Variants in GPHN observed in about 807,000 individuals in gnomAD.
GPHN encodes the protein gephyrin.
GPHN carries 17 observed loss-of-function variants against 95.5 expected under a neutral mutation model. The ratio of observed to expected loss-of-function variants is 0.18; its 90% CI spans 0.12 to 0.27. The LOEUF (loss-of-function observed/expected upper bound fraction) is 0.27. GPHN is among the 10% of genes least tolerant of loss of function. The probability of loss-of-function intolerance (pLI) is 1.00; values close to 1 mark genes in which losing one functional copy is unlikely to be tolerated. For synonymous variants in GPHN, 320 were observed against 322.5 expected, an observed-to-expected ratio of 0.99 and a Z score of 0.08; for missense variants, 660 against 978.1, an observed-to-expected ratio of 0.67 and a Z score of 4.34.
At chr14:67,727,375 G>A in the GPHN span, 1 of 597,366 alleles carries the variant, frequency 1.7e-6, no homozygotes, top group East Asian at 2.8e-5. Context: ...AATCAAATAG[G>A]GGTTAAGAAC....
chr14:66,899,472 G>T (rs1171845529), intron 5 of GPHN, among the ~76,000 whole-genome samples: 1 of 151,764 alleles, frequency 6.6e-6, no homozygotes, highest in African/African-American at 2.4e-5. Context: ...TTTTATCATG[G>T]ATCAGTGTTT....
At chr14:67,339,083 C>CA in the GPHN span, among the ~76,000 whole-genome samples, 2 of 151,086 alleles carry the variant, frequency 1.3e-5, no homozygotes, top group Non-Finnish European at 2.9e-5. Context: ...CTACAACCTC[C>CA]ACCTTTGCGT....
intron 10 of GPHN, among the ~76,000 whole-genome samples, chr14:67,033,928 C>T (rs1002065894): frequency 6.6e-6 from 1 of 152,124 alleles, no homozygotes; most frequent in Non-Finnish European, 1.5e-5. Context: ...ATTCAAAGTG[C>T]TGAAGGAACA....
At chr14:67,241,388 G>T in the GPHN span, 1 of 154,350 alleles carries the variant, frequency 6.5e-6, no homozygotes, top group South Asian at 1.8e-4. Flanking sequence ...GCGGTGGGGC[G>T]GGGGCGGGGA....
chr14:67,380,577 T>G, the GPHN span: 1 of 621,462 alleles, frequency 1.6e-6, no homozygotes, highest in Non-Finnish European at 2.6e-6. Context: ...AACTATTATA[T>G]GCATTGTTCC....
chr14:67,520,570 T>C, the GPHN span, among the ~76,000 whole-genome samples: 30 of 152,370 alleles, frequency 2.0e-4, no homozygotes, highest in African/African-American at 6.5e-4. Flanking sequence ...CCACAGATTA[T>C]TTACCCATCA....
the GPHN span, among the ~76,000 whole-genome samples, chr14:67,490,892 C>A: frequency 4.6e-5 from 7 of 152,040 alleles, no homozygotes; most frequent in Non-Finnish European, 7.4e-5. Context: ...ATGGGGTGGG[C>A]GTGGAGGGGG....
intron 2 of GPHN, among the ~76,000 whole-genome samples, chr14:66,752,449 T>C (rs557780180): frequency 2.4e-4 from 36 of 152,160 alleles, no homozygotes; most frequent in Middle Eastern, 3.4e-3. Flanking sequence ...GGGTTATTAA[T>C]TGGCCTAACG....
At chr14:66,514,314 CGTTATTGA>C (rs111909122) in intron 1 of GPHN, among the ~76,000 whole-genome samples, 2,027 of 152,024 alleles carry the variant, frequency 0.013, 22 homozygotes, top group Middle Eastern at 0.02. Context: ...CATTCTTCTG[CGTTATTGA>C]CACTTCATGG....
the GPHN span, among the ~76,000 whole-genome samples, chr14:67,683,770 T>C: frequency 1.3e-5 from 2 of 152,226 alleles, no homozygotes; most frequent in Admixed American, 1.3e-4. Context: ...CTTCTTAGCC[T>C]GGCTCTTCAG....
chr14:67,631,271 A>C, the GPHN span, among the ~76,000 whole-genome samples: 7 of 152,248 alleles, frequency 4.6e-5, no homozygotes, highest in Admixed American at 3.9e-4. Context: ...ATTGCAATAA[A>C]CCTAGTATTG....
At chr14:66,859,062 T>C (rs2062917905) in intron 4 of GPHN, among the ~76,000 whole-genome samples, 1 of 152,164 alleles carries the variant, frequency 6.6e-6, no homozygotes, top group Non-Finnish European at 1.5e-5. Flanking sequence ...TCTCTGGACC[T>C]ACCCTGGGCT....
intron 17 of GPHN, among the ~76,000 whole-genome samples, chr14:67,125,634 A>G (rs1567369288): frequency 6.6e-6 from 1 of 152,088 alleles, no homozygotes; most frequent in Non-Finnish European, 1.5e-5. Flanking sequence ...AAAATTAGCT[A>G]GGCATGGTGG....
intron 1 of GPHN, among the ~76,000 whole-genome samples, chr14:66,618,374 G>A (rs931026954): frequency 1.5e-4 from 23 of 152,016 alleles, no homozygotes; most frequent in African/African-American, 4.6e-4. Context: ...TACTGCGCCC[G>A]GCCGAGTTTA....
At chr14:67,571,701 G>A in the GPHN span, 1 of 1,590,698 alleles carries the variant, frequency 6.3e-7, no homozygotes, top group Non-Finnish European at 8.6e-7. Context: ...AGGGTTGGGA[G>A]AGGACTGTTT....
intron 3 of GPHN, among the ~76,000 whole-genome samples, chr14:66,793,568 T>G (rs901750982): frequency 7.9e-5 from 12 of 152,202 alleles, no homozygotes; most frequent in African/African-American, 2.7e-4. Context: ...CATATGTCTG[T>G]ATACATATAT....
intron 2 of GPHN, among the ~76,000 whole-genome samples, chr14:66,738,183 A>G (rs556345103): frequency 6.6e-6 from 1 of 152,226 alleles, no homozygotes; most frequent in African/African-American, 2.4e-5. Flanking sequence ...TTCTATATTC[A>G]TTCTTGAACG....
At chr14:67,372,978 A>G in the GPHN span, among the ~76,000 whole-genome samples, 1 of 152,230 alleles carries the variant, frequency 6.6e-6, no homozygotes, top group African/African-American at 2.4e-5. Context: ...AGTCATTAGG[A>G]AAATGCAAAT....
the GPHN span, among the ~76,000 whole-genome samples, chr14:67,386,751 G>A: frequency 2.0e-5 from 3 of 152,228 alleles, no homozygotes; most frequent in East Asian, 1.9e-4. Flanking sequence ...TATGTTCTCC[G>A]ACAGAGTCCA....
Sources: allele counts gnomAD v4.1 joint callset (sites outside exome capture counted in the v4.1 genomes callset), GRCh38; gene constraint gnomAD v4.1.1; transcripts MANE v1.5; gene names NCBI Gene and HGNC (gene_info 2026-07-23, HGNC 2026-07-21).